MDH1B: variants seen among roughly 807,000 people sequenced by gnomAD.
The protein encoded by MDH1B is putative malate dehydrogenase 1B.
MDH1B carries 60 observed loss-of-function variants against 61.4 expected under a neutral mutation model. The observed-to-expected ratio is 0.98, with a 90% CI of 0.79 to 1.21. MDH1B has a LOEUF of 1.21. Ranked by LOEUF, MDH1B falls within the 50% of genes most tolerant of loss-of-function variation. MDH1B has a pLI of 0.00. For synonymous variants in MDH1B, 236 were observed against 218.7 expected, an observed-to-expected ratio of 1.08 and a Z score of -0.70; for missense variants, 587 against 632.1, an observed-to-expected ratio of 0.93 and a Z score of 0.76.
rs577509904 is a variant in MDH1B at position 206,751,029 on chromosome 2, G to A, written c.957C>T (p.Tyr319=). The change falls in exon 6 of 12, where the codon TAC becomes TAT. Residue 319 remains tyrosine (Y), a synonymous_variant. Transcript: ENST00000374412. The stretch of plus-strand genomic sequence containing the variant: ...ACACCCTTGTTTTTCTCAGATCAAC[G>A]TAATTATTTCCACTGATATTACCCC... ...IIWGNISGNN[Y]VDLRKTRVYR... 4.1e-5 allele frequency: 66 copies of A among 1,607,632 alleles called. No individual in the cohort carries two copies. The highest frequency in any genetic ancestry group is 3.3e-4 in the South Asian group (30 of 90,114).
intron 3 of MDH1B, 89 bp from the exon 4 acceptor site, chr2:206,757,129 A>G: frequency 9.8e-6 from 15 of 1,530,976 alleles, no homozygotes; most frequent in Non-Finnish European, 1.2e-5. Context: ...TAAAGTCAAA[A>G]GACAATAAAA....
At chr2:206,748,517 A>AG (rs1688253814) in intron 7 of MDH1B, among the ~76,000 whole-genome samples, 1 of 152,072 alleles carries the variant, frequency 6.6e-6, no homozygotes. Flanking sequence ...GTACCCTGAG[A>AG]TCTGGGTCCT....
intron 1 of MDH1B, among the ~76,000 whole-genome samples, chr2:206,761,670 A>G (rs1222272052): frequency 1.3e-5 from 2 of 152,122 alleles, no homozygotes; most frequent in African/African-American, 4.8e-5. Context: ...TGCAGGTGCC[A>G]TGTAAGGGTT....
At chr2:206,757,699 T>A (rs1218909789) in intron 2 of MDH1B, among the ~76,000 whole-genome samples, 1 of 152,202 alleles carries the variant, frequency 6.6e-6, no homozygotes, top group Non-Finnish European at 1.5e-5. Flanking sequence ...TTTAAAAAAA[T>A]TCAACTAGTT....
rs1280895824 is a variant in MDH1B at position 206,738,005 on chromosome 2, G to A, written c.*478C>T. On this transcript the variant is annotated 3_prime_UTR_variant, in exon 12 of 12. Transcript: ENST00000374412. ...GACACCAACTTACTCACTGGTCTCA[G>A]TTCAATTTTTTTTTGAGAGACAGAG... The A allele has an allele frequency of 6.5e-6, 1 of 152,926 alleles. No individual in the cohort carries two copies. Among genetic ancestry groups the A allele is most frequent in the East Asian group, 1.9e-4 (1 of 5,202 alleles). 9.5% of individuals were successfully genotyped at this position (152,926 alleles called of 1,614,324 possible).
chr2:206,755,751 T>G (rs2105943633), intron 4 of MDH1B, among the ~76,000 whole-genome samples: 1 of 152,158 alleles, frequency 6.6e-6, no homozygotes, highest in East Asian at 1.9e-4. Context: ...GTTTATTAGG[T>G]TTTTCAAAGA....
chr2:206,761,825 T>G (rs1689113452), intron 1 of MDH1B, among the ~76,000 whole-genome samples: 1 of 152,124 alleles, frequency 6.6e-6, no homozygotes, highest in African/African-American at 2.4e-5. Flanking sequence ...ATAACTTAAC[T>G]CCTAAGTTAC....
At chr2:206,761,794 T>TA (rs1689112221) in intron 1 of MDH1B, among the ~76,000 whole-genome samples, 1 of 152,114 alleles carries the variant, frequency 6.6e-6, no homozygotes, top group African/African-American at 2.4e-5. Flanking sequence ...GCCCTCTCTG[T>TA]AGCATTCTTC....
intron 9 of MDH1B, among the ~76,000 whole-genome samples, chr2:206,744,790 T>C (rs1688001855): frequency 6.6e-6 from 1 of 151,892 alleles, no homozygotes; most frequent in African/African-American, 2.4e-5. Context: ...CCAGGCATGG[T>C]GGTGTGCACC....
chr2:206,761,671 T>G (rs1192306035), intron 1 of MDH1B, among the ~76,000 whole-genome samples: 1 of 152,006 alleles, frequency 6.6e-6, no homozygotes, highest in East Asian at 1.9e-4. Context: ...GCAGGTGCCA[T>G]GTAAGGGTTT....
At chr2:206,746,644 A>G (rs1339598514) in intron 7 of MDH1B, among the ~76,000 whole-genome samples, 2 of 152,168 alleles carry the variant, frequency 1.3e-5, no homozygotes, top group Non-Finnish European at 1.5e-5. Flanking sequence ...TGCCATCTGT[A>G]TTTATCTGAC....
intron 9 of MDH1B, among the ~76,000 whole-genome samples, chr2:206,741,663 G>C (rs1449667999): frequency 6.6e-6 from 1 of 152,142 alleles, no homozygotes; most frequent in East Asian, 1.9e-4. Context: ...GTGGGACCCT[G>C]TGATTGTGTA....
chr2:206,750,072 G>C (rs1433516649), intron 6 of MDH1B, among the ~76,000 whole-genome samples: 3 of 151,954 alleles, frequency 2.0e-5, no homozygotes, highest in Non-Finnish European at 2.9e-5. Context: ...AGTGAACTCG[G>C]GACACATCAT....
In MDH1B at chr2:206,761,015, TAA is replaced by T; in HGVS notation, c.23-4_23-3del. The T allele has an allele frequency of 6.6e-7, 1 of 1,516,124 alleles. No individual in the cohort carries two copies. The highest frequency in any genetic ancestry group is 9.1e-7 in the Non-Finnish European group (1 of 1,098,418). The allele number at this position is 1,516,124 out of a possible 1,614,324, so 93.9% of individuals were successfully genotyped here. On this transcript the variant is annotated splice_polypyrimidine_tract_variant and splice_region_variant and intron_variant, in intron 1 of 11. Transcript: ENST00000374412. ...CATAATATGGACAATCTGCTCTACC[TAA>T]AAGAGTTCAAATTAGCAATGTTTTC...
chr2:206,751,679 T>C (rs920520678), intron 5 of MDH1B, among the ~76,000 whole-genome samples: 1 of 152,182 alleles, frequency 6.6e-6, no homozygotes, highest in African/African-American at 2.4e-5. Context: ...CCCAAATCCT[T>C]ACAACATTCT....
Position 206,755,352 on chromosome 2 carries a change from A to G in MDH1B, c.567T>C (p.Ser189=). 6.2e-7 allele frequency: 1 copy of G among 1,614,170 alleles called. No individual in the cohort carries two copies. Among genetic ancestry groups the G allele is most frequent in the South Asian group, 1.1e-5 (1 of 91,086 alleles). ...SLVVETQDLA[S]PVLRSVSICT... is the part of the protein sequence containing the mutation. ...AGATGGAGACACTGCGCAGGACGGG[A>G]GATGCCAGGTCTTGGGTCTCCACCA... Residue 189 remains serine, a synonymous_variant, in exon 5 of 12, where the codon TCT becomes TCC. Transcript: ENST00000374412.
intron 4 of MDH1B, among the ~76,000 whole-genome samples, chr2:206,756,100 C>T (rs960594057): frequency 7.2e-5 from 11 of 151,956 alleles, no homozygotes; most frequent in African/African-American, 1.9e-4. Flanking sequence ...GAAATGCATC[C>T]GGGCATTTCT....
In MDH1B at chr2:206,738,300, T is replaced by C. The variant is rs941608768; in HGVS notation, c.*183A>G. On this transcript the variant is annotated 3_prime_UTR_variant, in exon 12 of 12. Coordinates refer to ENST00000374412, the MANE Select transcript of MDH1B (RefSeq NM_001039845.3). ...TGAAACAAACATGAGTGGATACAAG[T>C]AATGCAAAATGACGGAACTCTGACC... is the stretch of plus-strand genomic sequence containing the variant. 2 of 433,236 alleles carry C rather than the reference T, an allele frequency of 4.6e-6. No homozygotes were observed. Among genetic ancestry groups the C allele is most frequent in the Non-Finnish European group, 8.3e-6 (2 of 241,152 alleles). 26.8% of individuals were successfully genotyped at this position (433,236 alleles called of 1,614,324 possible).
chr2:206,742,951 G>A (rs1687899855), intron 9 of MDH1B, among the ~76,000 whole-genome samples: 1 of 152,080 alleles, frequency 6.6e-6, no homozygotes, highest in African/African-American at 2.4e-5. Flanking sequence ...TCCTGACTTT[G>A]TGATCTGCCC....
Sources: allele counts gnomAD v4.1 joint callset (sites outside exome capture counted in the v4.1 genomes callset), GRCh38; gene constraint gnomAD v4.1.1; transcripts MANE v1.5; gene names NCBI Gene and HGNC (gene_info 2026-07-23, HGNC 2026-07-21).